PBX1: variants seen among roughly 807,000 people sequenced by gnomAD.
PBX1 encodes the protein PBX homeobox 1, also known as pre-B-cell leukemia transcription factor 1.
In PBX1, 6 loss-of-function variants were observed where a neutral mutation model predicts 53.4. The observed-to-expected ratio is 0.11, with a 90% CI of 0.06 to 0.22. The LOEUF is 0.22. PBX1 is among the 10% of genes least tolerant of loss of function. The probability of loss-of-function intolerance (pLI) is 1.00; values close to 1 mark genes in which losing one functional copy is unlikely to be tolerated. For synonymous variants in PBX1, 204 were observed against 212.3 expected (o/e 0.96, Z 0.34); for missense variants, 251 against 551.4 (o/e 0.46, Z 5.46).
chr1:164,841,094 A>C (rs993658266), intron 8 of PBX1, among the ~76,000 whole-genome samples: 1 of 152,192 alleles, frequency 6.6e-6, no homozygotes, highest in Non-Finnish European at 1.5e-5. Flanking sequence ...CGACGTGTGA[A>C]GGAACACACG....
chr1:164,614,578 T>G (rs1657145382), intron 2 of PBX1, among the ~76,000 whole-genome samples: 1 of 152,196 alleles, frequency 6.6e-6, no homozygotes, highest in Non-Finnish European at 1.5e-5. Flanking sequence ...ACCTGGCTGC[T>G]GACTGGTGCG....
chr1:164,859,485 A>T (rs1006268309), intron 2 of PBX1, among the ~76,000 whole-genome samples: 9 of 152,088 alleles, frequency 5.9e-5, no homozygotes, highest in Admixed American at 2.6e-4. Flanking sequence ...CAGCTCTTTC[A>T]CTTGTAGGTC....
intron 2 of PBX1, among the ~76,000 whole-genome samples, chr1:164,604,896 A>G (rs563394200): frequency 2.0e-5 from 3 of 152,316 alleles, no homozygotes; most frequent in East Asian, 3.9e-4. Context: ...CAAGTAAATA[A>G]ACAAATAAAA....
At chr1:164,865,994 T>C (rs1230080474) in intron 2 of PBX1, among the ~76,000 whole-genome samples, 4 of 152,158 alleles carry the variant, frequency 2.6e-5, no homozygotes, top group Non-Finnish European at 5.9e-5. Context: ...GGAAGTGGAC[T>C]CAAGGCACAC....
chr1:164,880,152 AC>A (rs1235162268), intron 2 of PBX1, among the ~76,000 whole-genome samples: 1 of 152,172 alleles, frequency 6.6e-6, no homozygotes, highest in African/African-American at 2.4e-5. Flanking sequence ...CTTAAACTAT[AC>A]CTACACATCT....
chr1:164,722,381 G>T (rs929389149), intron 2 of PBX1, among the ~76,000 whole-genome samples: 2 of 152,064 alleles, frequency 1.3e-5, no homozygotes, highest in Non-Finnish European at 2.9e-5. Flanking sequence ...TAATTCCATC[G>T]ATTTGAAATC....
intron 8 of PBX1, among the ~76,000 whole-genome samples, chr1:164,846,327 G>A (rs1446108772): frequency 1.3e-5 from 2 of 152,158 alleles, no homozygotes; most frequent in East Asian, 3.9e-4. Context: ...CTTAATTACA[G>A]AGTCTTTGGG....
In PBX1 at chr1:164,848,144, G is replaced by A; in HGVS notation, c.*1468G>A. 9.5e-7 allele frequency: 1 copy of A among 1,050,736 alleles called. No individual in the cohort carries two copies. The highest frequency in any genetic ancestry group is 1.1e-6 in the Non-Finnish European group (1 of 870,140). The allele number at this position is 1,050,736 out of a possible 1,614,324, so 65.1% of individuals were successfully genotyped here. A position where few individuals can be genotyped will look rare whatever the true frequency, so the allele number is the denominator to read the frequency against. On this transcript the variant is annotated 3_prime_UTR_variant, in exon 9 of 9. Transcript: ENST00000420696. ...GAATCATGGGGAAAGGGAAGGTAAT[G>A]TTTTCATTGAAATCATCACAGTGAT...
intron 2 of PBX1, chr1:164,680,093 C>T (rs988318311): frequency 2.6e-5 from 4 of 152,048 alleles, no homozygotes; most frequent in Admixed American, 1.3e-4. Context: ...GGAAATCCGG[C>T]CTGTAGTTGT....
chr1:164,852,983 C>T (rs927318062), downstream of PBX1, among the ~76,000 whole-genome samples: 6 of 152,186 alleles, frequency 3.9e-5, no homozygotes, highest in Non-Finnish European at 5.9e-5. Flanking sequence ...TAGAGTGGTA[C>T]TAAATAGATG....
At chr1:164,639,166 C>T (rs1027095919) in intron 2 of PBX1, among the ~76,000 whole-genome samples, 1 of 152,132 alleles carries the variant, frequency 6.6e-6, no homozygotes. Flanking sequence ...TTAAAAGAGG[C>T]GCTAGTTCTT....
In PBX1 at chr1:164,753,456, A is replaced by G. The variant is rs372546653; in HGVS notation, c.266-39038A>G. Among the ~76,000 whole-genome samples, 90 of 152,162 alleles carry G rather than the reference A, an allele frequency of 5.9e-4. 3 individuals are homozygous for G. In the East Asian group the frequency reaches 0.014, roughly 24 times the overall value. On this transcript the variant is annotated intron_variant, in intron 2 of 8. Coordinates refer to ENST00000420696, the MANE Select transcript of PBX1 (RefSeq NM_002585.4). ...GTTTTGGTAGTTGTTGTTTCTCATT[A>G]TTTTGTGTCAGGATTTCGTTATATC... is the stretch of plus-strand genomic sequence containing the variant.
At chr1:164,768,199 A>G (rs1667170519) in intron 2 of PBX1, among the ~76,000 whole-genome samples, 1 of 152,264 alleles carries the variant, frequency 6.6e-6, no homozygotes, top group Non-Finnish European at 1.5e-5. Context: ...GACAGCAAGT[A>G]CAGCCGGCTT....
chr1:164,705,908 T>C (rs1319661475), intron 2 of PBX1, among the ~76,000 whole-genome samples: 4 of 152,244 alleles, frequency 2.6e-5, no homozygotes, highest in Admixed American at 2.6e-4. Flanking sequence ...TACCTATGTG[T>C]GAATGGCACT....
chr1:164,786,280 G>A lies in PBX1; in HGVS notation c.266-6214G>A, dbSNP rs372889967. Among the ~76,000 whole-genome samples, 97 of 152,318 alleles carry A rather than the reference G, an allele frequency of 6.4e-4. 4 individuals are homozygous for A. The South Asian group carries it at 0.019, about 31-fold the overall frequency. On this transcript the variant is annotated intron_variant, in intron 2 of 8. Coordinates refer to ENST00000420696, the MANE Select transcript of PBX1 (RefSeq NM_002585.4). ...GGTTGTGTGGGGAACCGCCTTTCAGGAGTTCACAGTCTTGCTGGCAAGATG... is the reference window on the plus strand; with the variant it reads ...GGTTGTGTGGGGAACCGCCTTTCAGAAGTTCACAGTCTTGCTGGCAAGATG...
rs1671599636 is a variant in PBX1, at chr1:164,846,894, C to G, written c.*218C>G. 1 of 1,382,812 alleles carries G rather than the reference C, an allele frequency of 7.2e-7. No individual in the cohort carries two copies. The allele number at this position is 1,382,812 out of a possible 1,614,324, so 85.7% of individuals were successfully genotyped here. ...CCTTTTTTTTCTGGGTAGAAGCCAC[C>G]CTTCCCTGCCTCCAGCTGTCAGCCT... On this transcript the variant is annotated 3_prime_UTR_variant, in exon 9 of 9. Transcript: ENST00000420696.
At chr1:164,829,782 A>G (rs1670661407) in intron 8 of PBX1, 1 of 151,912 alleles carries the variant, frequency 6.6e-6, no homozygotes, top group Non-Finnish European at 1.5e-5. Context: ...TAAAAGTTGG[A>G]AATTAAAAAA....
At chr1:164,671,066 A>C (rs1015981139) in intron 2 of PBX1, among the ~76,000 whole-genome samples, 1 of 152,178 alleles carries the variant, frequency 6.6e-6, no homozygotes, top group Admixed American at 6.5e-5. Flanking sequence ...TGTGAGGTCC[A>C]TGCTAATGTC....
chr1:164,562,216 C>G (rs185434916), intron 1 of PBX1, among the ~76,000 whole-genome samples: 1 of 152,210 alleles, frequency 6.6e-6, no homozygotes, highest in Non-Finnish European at 1.5e-5. Context: ...CTCTGTTCTT[C>G]ATGAGGATGT....
Sources: gnomAD v4.1 joint callset for allele counts (sites outside exome capture counted in the v4.1 genomes callset) on GRCh38, gnomAD v4.1.1 for gene constraint, MANE v1.5 for transcripts, NCBI Gene and HGNC (gene_info 2026-07-23, HGNC 2026-07-21) for gene names.